KIAA0319L: variants seen among roughly 807,000 people sequenced by gnomAD.
KIAA0319L encodes the protein KIAA0319 like.
In KIAA0319L, 55 loss-of-function variants were observed where a neutral mutation model predicts 120.1. The ratio of observed to expected loss-of-function variants is 0.46; its 90% CI spans 0.37 to 0.57. The LOEUF (loss-of-function observed/expected upper bound fraction) is 0.57. Ranked by LOEUF, KIAA0319L falls within the 20% of genes least tolerant of loss-of-function variation. The pLI is 0.00. For missense variants in KIAA0319L, 1,049 were observed against 1,255.3 expected, an observed-to-expected ratio of 0.84 and a Z score of 2.48; for synonymous variants, 398 against 471.9, an observed-to-expected ratio of 0.84 and a Z score of 2.03.
At chr1:35,543,872 A>C (rs1474312351) in intron 2 of KIAA0319L, among the ~76,000 whole-genome samples, 1 of 152,236 alleles carries the variant, frequency 6.6e-6, no homozygotes, top group Non-Finnish European at 1.5e-5. Context: ...AAAGCATGGC[A>C]GTTAGGTGCA....
chr1:35,436,940 C>T (rs1640839002), intron 20 of KIAA0319L, among the ~76,000 whole-genome samples: 1 of 152,204 alleles, frequency 6.6e-6, no homozygotes, highest in South Asian at 2.1e-4. Context: ...TCTTGAATCT[C>T]ATTCTCCTCG....
chr1:35,494,018 A>G (rs577747709), intron 3 of KIAA0319L, among the ~76,000 whole-genome samples: 11 of 152,320 alleles, frequency 7.2e-5, no homozygotes, highest in African/African-American at 2.4e-4. Flanking sequence ...TACACTCCCA[A>G]TACAATCCCA....
intron 17 of KIAA0319L, 55 bp downstream of exon 17, chr1:35,444,106 G>A: frequency 6.8e-7 from 1 of 1,462,580 alleles, no homozygotes; most frequent in Non-Finnish European, 9.2e-7. Context: ...AGGACCAATG[G>A]GTGAGCTGCA....
intron 3 of KIAA0319L, among the ~76,000 whole-genome samples, chr1:35,479,746 CAT>C (rs1644066633): frequency 2.0e-5 from 3 of 151,578 alleles, no homozygotes; most frequent in Admixed American, 1.3e-4. Flanking sequence ...CTCTACAAAA[CAT>C]AAAAAATTAG....
chr1:35,484,799 TATA>T (rs1198880684), intron 3 of KIAA0319L, among the ~76,000 whole-genome samples: 2,012 of 56,582 alleles, frequency 0.036, 59 homozygotes, highest in South Asian at 0.048. Context: ...TATATATATA[TATA>T]TATATTTTTT....
chr1:35,466,527 A>C (rs1157439126), intron 7 of KIAA0319L, 81 bp downstream of exon 7: 5 of 947,976 alleles, frequency 5.3e-6, no homozygotes, highest in Middle Eastern at 2.1e-4. Flanking sequence ...AATGAGAATC[A>C]AAAACCCCAA....
chr1:35,546,854 C>T (rs191715515), intron 2 of KIAA0319L, among the ~76,000 whole-genome samples: 17 of 151,940 alleles, frequency 1.1e-4, no homozygotes, highest in Non-Finnish European at 2.2e-4. Context: ...AACTGGAACC[C>T]CCATACTTTA....
chr1:35,521,427 G>A (rs1645907738), intron 2 of KIAA0319L, among the ~76,000 whole-genome samples: 1 of 151,912 alleles, frequency 6.6e-6, no homozygotes, highest in Non-Finnish European at 1.5e-5. Context: ...GAGGTCAGGA[G>A]ATCTAAACCA....
chr1:35,554,325 C>G (rs1372209545), intron 2 of KIAA0319L, 25 bp downstream of exon 2: 1 of 1,505,818 alleles, frequency 6.6e-7, no homozygotes, highest in Non-Finnish European at 8.9e-7. Flanking sequence ...AAAAAAAAAT[C>G]TTAAATCTAT....
chr1:35,436,946 C>T (rs1477354519), intron 20 of KIAA0319L, among the ~76,000 whole-genome samples: 2 of 152,210 alleles, frequency 1.3e-5, no homozygotes, highest in African/African-American at 4.8e-5. Context: ...ATCTCATTCT[C>T]CTCGTCCTCC....
chr1:35,474,734 TG>T, intron 5 of KIAA0319L, 70 bp downstream of exon 5: 1 of 891,678 alleles, frequency 1.1e-6, no homozygotes, highest in Non-Finnish European at 1.8e-6. Context: ...GAGACCAGCC[TG>T]GACAACACAG....
intron 3 of KIAA0319L, among the ~76,000 whole-genome samples, chr1:35,482,999 C>A (rs887468885): frequency 6.6e-6 from 1 of 152,102 alleles, no homozygotes; most frequent in Non-Finnish European, 1.5e-5. Flanking sequence ...TAGTGATTAG[C>A]GACATTGAAC....
At chr1:35,471,097 G>T in intron 5 of KIAA0319L, 137 bp from the exon 6 acceptor site, 1 of 634,758 alleles carries the variant, frequency 1.6e-6, no homozygotes, top group East Asian at 2.7e-5. Context: ...AAAGCCTGTA[G>T]GGAAACCAAA....
intron 2 of KIAA0319L, among the ~76,000 whole-genome samples, chr1:35,547,225 T>C (rs1012084423): frequency 2.0e-5 from 3 of 147,592 alleles, no homozygotes; most frequent in South Asian, 2.1e-4. Flanking sequence ...TATATATAAA[T>C]TTATTTCATA....
At chr1:35,496,128 A>G (rs186021714) in intron 3 of KIAA0319L, among the ~76,000 whole-genome samples, 9 of 152,326 alleles carry the variant, frequency 5.9e-5, no homozygotes, top group Non-Finnish European at 1.0e-4. Flanking sequence ...AAATATACCC[A>G]TACAATATAG....
In KIAA0319L at chr1:35,554,465, T is replaced by G. The variant is rs199665661; in HGVS notation, c.27A>C (p.Pro9=). Residue 9 remains proline, a synonymous_variant, in exon 2 of 21, where the codon CCA becomes CCC. Coordinates refer to ENST00000325722, the MANE Select transcript of KIAA0319L (RefSeq NM_024874.5). ...CTGATAAAATCCAGGAAGCAGGATT[T>G]GGCTTGACTCCCAGCCTCTTCTCCA... The part of the protein sequence containing the change: MEKRLGVK[P]NPASWILSGY... 1.9e-6 allele frequency: 3 copies of G among 1,613,074 alleles called. No homozygotes were observed. The highest frequency in any genetic ancestry group is 2.5e-6 in the Non-Finnish European group (3 of 1,179,800).
At chr1:35,489,898 T>C (rs765849741) in intron 3 of KIAA0319L, among the ~76,000 whole-genome samples, 1 of 152,044 alleles carries the variant, frequency 6.6e-6, no homozygotes, top group African/African-American at 2.4e-5. Flanking sequence ...AACTCCTGAC[T>C]TTAAGTGATC....
At chr1:35,555,873 C>A (rs1005462454) in intron 1 of KIAA0319L, among the ~76,000 whole-genome samples, 1 of 152,190 alleles carries the variant, frequency 6.6e-6, no homozygotes, top group Non-Finnish European at 1.5e-5. Flanking sequence ...GAGTAATAAA[C>A]ACCACTGGAC....
chr1:35,554,682 T>TTTG (rs1230776975), intron 1 of KIAA0319L, 163 bp from the exon 2 acceptor site: 2 of 451,864 alleles, frequency 4.4e-6, no homozygotes, highest in Non-Finnish European at 7.8e-6. Flanking sequence ...GGCTTTGAGG[T>TTTG]AGCCTATAAT....
Sources: gnomAD v4.1 joint callset for allele counts (sites outside exome capture counted in the v4.1 genomes callset) on GRCh38, gnomAD v4.1.1 for gene constraint, MANE v1.5 for transcripts, NCBI Gene and HGNC (gene_info 2026-07-23, HGNC 2026-07-21) for gene names.